The following ATF2 variants were observed in gnomAD, a reference collection of about 807,000 sequenced individuals.
The protein encoded by ATF2 is activating transcription factor 2.
Under a neutral mutation model 60.6 loss-of-function variants are expected in ATF2, and 24 were observed. The ratio of observed to expected loss-of-function variants is 0.40; its 90% CI spans 0.29 to 0.56. ATF2 has a LOEUF of 0.56. Among genes scored for constraint, ATF2 ranks in the 20% least tolerant of loss-of-function variants. The pLI is 0.54. For missense variants in ATF2, 433 were observed against 607.7 expected (o/e 0.71, Z 3.02); for synonymous variants, 206 against 215.4 (o/e 0.96, Z 0.38).
chr2:175,112,805 G>C (rs1325810475), intron 9 of ATF2, among the ~76,000 whole-genome samples: 8 of 152,082 alleles, frequency 5.3e-5, no homozygotes, highest in Admixed American at 2.6e-4. Context: ...GCCTGGTCTT[G>C]AACTCCTGGA....
At chr2:175,142,865 GAGAC>G (rs1467345735) in intron 2 of ATF2, among the ~76,000 whole-genome samples, 1 of 151,870 alleles carries the variant, frequency 6.6e-6, no homozygotes, top group Non-Finnish European at 1.5e-5. Context: ...TGTGTTTTAA[GAGAC>G]AGAGTTTTGC....
At chr2:175,144,966 A>C (rs968110425) in intron 2 of ATF2, among the ~76,000 whole-genome samples, 1 of 152,230 alleles carries the variant, frequency 6.6e-6, no homozygotes, top group African/African-American at 2.4e-5. Flanking sequence ...TAAACATATC[A>C]AGGATGTGCT....
intron 3 of ATF2, among the ~76,000 whole-genome samples, chr2:175,136,036 C>T (rs1231665106): frequency 4.9e-5 from 6 of 121,884 alleles, no homozygotes; most frequent in East Asian, 2.4e-4. Context: ...TTTTTTTTGG[C>T]AGGACTCTTC....
At chr2:175,144,777 G>A (rs1395938869) in intron 2 of ATF2, among the ~76,000 whole-genome samples, 3 of 152,178 alleles carry the variant, frequency 2.0e-5, no homozygotes, top group Non-Finnish European at 4.4e-5. Context: ...GATGTGAGCT[G>A]TCAATGCCCA....
At chr2:175,128,431 C>T (rs1032707897) in intron 4 of ATF2, among the ~76,000 whole-genome samples, 9 of 150,674 alleles carry the variant, frequency 6.0e-5, no homozygotes, top group African/African-American at 2.2e-4. Context: ...ACCTGGGAGG[C>T]GGAGATTGTG....
chr2:175,165,159 C>T (rs147647864), intron 1 of ATF2, among the ~76,000 whole-genome samples: 30 of 152,202 alleles, frequency 2.0e-4, no homozygotes, highest in African/African-American at 7.0e-4. Context: ...TTTAATTATA[C>T]AAAATAACCC....
At chr2:175,161,911 C>T (rs1386366141) in intron 1 of ATF2, among the ~76,000 whole-genome samples, 1 of 152,140 alleles carries the variant, frequency 6.6e-6, no homozygotes, top group Non-Finnish European at 1.5e-5. Context: ...CAGGCACCCG[C>T]CATCATGCCC....
chr2:175,167,713 G>T, intron 1 of ATF2: 1 of 495,378 alleles, frequency 2.0e-6, no homozygotes, highest in South Asian at 1.5e-5. Flanking sequence ...CCCAAGTAGG[G>T]TGAAGATAAT....
chr2:175,125,119 T>G (rs1410181685), intron 4 of ATF2, among the ~76,000 whole-genome samples: 5 of 152,066 alleles, frequency 3.3e-5, no homozygotes, highest in Non-Finnish European at 7.4e-5. Context: ...ACCATTGTGT[T>G]AAAGCTGAAA....
intron 4 of ATF2, among the ~76,000 whole-genome samples, chr2:175,123,808 G>A (rs1013174301): frequency 2.0e-5 from 3 of 151,748 alleles, no homozygotes; most frequent in Non-Finnish European, 4.4e-5. Flanking sequence ...TTATATACAG[G>A]GACAGCAACA....
At chr2:175,167,297 C>A (rs1700419301) in intron 1 of ATF2, among the ~76,000 whole-genome samples, 2 of 151,706 alleles carry the variant, frequency 1.3e-5, no homozygotes, top group African/African-American at 2.4e-5. Flanking sequence ...TCTTTACATA[C>A]GCTCTGCTGT....
intron 12 of ATF2, 29 bp from the exon 13 acceptor site, chr2:175,080,794 C>A: frequency 6.5e-7 from 1 of 1,535,968 alleles, no homozygotes; most frequent in Non-Finnish European, 9.0e-7. Flanking sequence ...ATGTACCTTA[C>A]CACAGACTAA....
chr2:175,140,567 G>C (rs1246049252), intron 2 of ATF2, among the ~76,000 whole-genome samples: 1 of 152,054 alleles, frequency 6.6e-6, no homozygotes, highest in African/African-American at 2.4e-5. Flanking sequence ...TGTGGTGATG[G>C]TTTTATGGGT....
intron 3 of ATF2, among the ~76,000 whole-genome samples, chr2:175,136,032 T>C (rs1456831275): frequency 6.6e-6 from 1 of 150,938 alleles, no homozygotes; most frequent in African/African-American, 2.4e-5. Context: ...TTTTTTTTTT[T>C]TGGCAGGACT....
chr2:175,134,559 A>G (rs1697999850), intron 3 of ATF2, among the ~76,000 whole-genome samples: 1 of 152,002 alleles, frequency 6.6e-6, no homozygotes, highest in South Asian at 2.1e-4. Context: ...AAAAAAAAGA[A>G]AGAAAGAAAA....
At chr2:175,159,336 T>G (rs574371735) in intron 1 of ATF2, among the ~76,000 whole-genome samples, 18 of 152,182 alleles carry the variant, frequency 1.2e-4, no homozygotes, top group African/African-American at 2.9e-4. Context: ...AAAAAAAGTT[T>G]TATATTAATC....
intron 4 of ATF2, among the ~76,000 whole-genome samples, chr2:175,123,096 G>C (rs1697081112): frequency 6.6e-6 from 1 of 151,996 alleles, no homozygotes; most frequent in Non-Finnish European, 1.5e-5. Context: ...ACTATAGGCA[G>C]TAGGACCACA....
chr2:175,083,176 C>T (rs1693885525), intron 12 of ATF2, among the ~76,000 whole-genome samples: 2 of 151,880 alleles, frequency 1.3e-5, no homozygotes, highest in South Asian at 4.2e-4. Context: ...CAAAAAAGAG[C>T]CTGCATCGCC....
intron 4 of ATF2, chr2:175,126,722 A>C (rs1315610671): frequency 6.6e-6 from 1 of 152,198 alleles, no homozygotes; most frequent in Non-Finnish European, 1.5e-5. Flanking sequence ...TATTTTAAGC[A>C]GAAGAGAATC....
Sources: allele counts gnomAD v4.1 joint callset (sites outside exome capture counted in the v4.1 genomes callset), GRCh38; gene constraint gnomAD v4.1.1; transcripts MANE v1.5; gene names NCBI Gene and HGNC (gene_info 2026-07-23, HGNC 2026-07-21).